GABRA2: variants seen among roughly 807,000 people sequenced by gnomAD.
GABRA2 encodes the protein gamma-aminobutyric acid receptor subunit alpha-2.
Under a neutral mutation model 48.7 loss-of-function variants are expected in GABRA2, and 16 were observed. The ratio of observed to expected loss-of-function variants is 0.33; its 90% CI spans 0.22 to 0.50. The LOEUF (loss-of-function observed/expected upper bound fraction) is 0.50, where lower values mean the gene tolerates loss of function less well. Ranked by LOEUF, GABRA2 falls within the 20% of genes least tolerant of loss-of-function variation. The pLI is 0.98. For synonymous variants in GABRA2, 185 were observed against 184.5 expected, an observed-to-expected ratio of 1.00 and a Z score of -0.02; for missense variants, 275 against 535.6, an observed-to-expected ratio of 0.51 and a Z score of 4.80.
chr4:46,334,974 C>T (rs1423350201), intron 3 of GABRA2, among the ~76,000 whole-genome samples: 1 of 151,998 alleles, frequency 6.6e-6, no homozygotes, highest in East Asian at 1.9e-4. Context: ...GGTCAGATTT[C>T]AATATGGATG....
At chr4:46,377,577 G>C (rs1388343248) in intron 3 of GABRA2, among the ~76,000 whole-genome samples, 8 of 151,504 alleles carry the variant, frequency 5.3e-5, no homozygotes, top group Admixed American at 2.0e-4. Context: ...GTCTCTGCCC[G>C]GCAGCCACCT....
chr4:46,354,971 G>T (rs192042647), intron 3 of GABRA2, among the ~76,000 whole-genome samples: 1 of 152,198 alleles, frequency 6.6e-6, no homozygotes, highest in African/African-American at 2.4e-5. Context: ...AAGAGATCTG[G>T]ATATAATTAT....
chr4:46,298,609 C>A (rs768177763), intron 8 of GABRA2, among the ~76,000 whole-genome samples: 49 of 152,036 alleles, frequency 3.2e-4, no homozygotes, highest in Middle Eastern at 3.4e-3. Context: ...TATTTTATAG[C>A]ACTTAGAATG....
intron 8 of GABRA2, among the ~76,000 whole-genome samples, chr4:46,296,594 A>G (rs1724731641): frequency 6.7e-6 from 1 of 149,566 alleles, no homozygotes; most frequent in African/African-American, 2.5e-5. Context: ...TAACAACCCA[A>G]TCCAGGACTA....
intron 3 of GABRA2, among the ~76,000 whole-genome samples, chr4:46,359,335 TA>T (rs1712763108): frequency 6.6e-6 from 1 of 152,186 alleles, no homozygotes; most frequent in South Asian, 2.1e-4. Context: ...CTAATCTTTA[TA>T]GCACTTAAGA....
intron 3 of GABRA2, among the ~76,000 whole-genome samples, chr4:46,335,461 G>C (rs1487383918): frequency 1.3e-5 from 2 of 151,944 alleles, no homozygotes; most frequent in Non-Finnish European, 2.9e-5. Context: ...CTTCAGTCTT[G>C]ATCACTCTTT....
chr4:46,384,852 A>G (rs957694420), intron 3 of GABRA2, among the ~76,000 whole-genome samples: 2 of 151,976 alleles, frequency 1.3e-5, no homozygotes, highest in African/African-American at 4.8e-5. Flanking sequence ...TATTTTTCCT[A>G]TTAGAAACTG....
intron 8 of GABRA2, among the ~76,000 whole-genome samples, chr4:46,284,734 A>G (rs1000336284): frequency 6.6e-6 from 1 of 152,096 alleles, no homozygotes; most frequent in Non-Finnish European, 1.5e-5. Flanking sequence ...TGAACGCCAT[A>G]AAGACCTCAG....
intron 8 of GABRA2, among the ~76,000 whole-genome samples, chr4:46,301,391 T>C (rs180857749): frequency 2.0e-5 from 3 of 152,356 alleles, no homozygotes; most frequent in East Asian, 1.9e-4. Flanking sequence ...GCTTTAGACA[T>C]GTTATGGTCC....
chr4:46,272,145 G>A (rs1284877744), intron 8 of GABRA2, among the ~76,000 whole-genome samples: 2 of 151,902 alleles, frequency 1.3e-5, no homozygotes, highest in Non-Finnish European at 1.5e-5. Context: ...TTTGCAATCT[G>A]TAGAATTTAT....
chr4:46,336,926 A>T (rs1732333960), intron 3 of GABRA2, among the ~76,000 whole-genome samples: 1 of 152,152 alleles, frequency 6.6e-6, no homozygotes, highest in Non-Finnish European at 1.5e-5. Context: ...CGTATAAATA[A>T]TTTCAAGAAG....
chr4:46,259,157 GA>G (rs1175878565), intron 9 of GABRA2, among the ~76,000 whole-genome samples: 3 of 151,792 alleles, frequency 2.0e-5, no homozygotes, highest in Non-Finnish European at 4.4e-5. Flanking sequence ...AAGCAAGAAG[GA>G]AAGAGATCCA....
chr4:46,371,037 C>T (rs1179825414), intron 3 of GABRA2, among the ~76,000 whole-genome samples: 2 of 152,108 alleles, frequency 1.3e-5, no homozygotes, highest in Admixed American at 6.6e-5. Context: ...CAAGATCACA[C>T]AGCTTTTATA....
At chr4:46,313,233 AAC>A (rs1727980195) in intron 4 of GABRA2, among the ~76,000 whole-genome samples, 1 of 151,490 alleles carries the variant, frequency 6.6e-6, no homozygotes, top group African/African-American at 2.4e-5. Context: ...AAAAGAAAAA[AAC>A]ACAACACTTA....
chr4:46,363,035 C>T (rs1327899372), intron 3 of GABRA2, among the ~76,000 whole-genome samples: 1 of 152,114 alleles, frequency 6.6e-6, no homozygotes, highest in Non-Finnish European at 1.5e-5. Context: ...TTGCCTATGT[C>T]AACATCCTTT....
chr4:46,287,653 T>G (rs1722815539), intron 8 of GABRA2, among the ~76,000 whole-genome samples: 1 of 132,932 alleles, frequency 7.5e-6, no homozygotes, highest in African/African-American at 2.8e-5. Context: ...GGGGGAGGGA[T>G]AGCATTGGGA....
At chr4:46,290,211 A>G (rs1340062987) in intron 8 of GABRA2, among the ~76,000 whole-genome samples, 1 of 151,654 alleles carries the variant, frequency 6.6e-6, no homozygotes, top group Non-Finnish European at 1.5e-5. Flanking sequence ...GCCTGAGTAT[A>G]CCAGTTTTGT....
At chr4:46,304,634 A>C (rs1271703667) in intron 7 of GABRA2, among the ~76,000 whole-genome samples, 1 of 152,000 alleles carries the variant, frequency 6.6e-6, no homozygotes, top group Admixed American at 6.6e-5. Flanking sequence ...AAACTAAAGA[A>C]ATTATCACTT....
At chr4:46,295,525 CCT>C (rs1409589549) in intron 8 of GABRA2, among the ~76,000 whole-genome samples, 2 of 152,196 alleles carry the variant, frequency 1.3e-5, no homozygotes, top group African/African-American at 4.8e-5. Context: ...CACCACCCAG[CCT>C]CTTTCCTCAG....
Sources: allele counts gnomAD v4.1 joint callset (sites outside exome capture counted in the v4.1 genomes callset), GRCh38; gene constraint gnomAD v4.1.1; transcripts MANE v1.5; gene names NCBI Gene and HGNC (gene_info 2026-07-23, HGNC 2026-07-21).